WAC: variants seen among roughly 807,000 people sequenced by gnomAD.
WAC encodes the protein WW domain containing adaptor with coiled-coil.
WAC carries 11 observed loss-of-function variants against 79.6 expected under a neutral mutation model. The observed-to-expected ratio is 0.14, with a 90% CI of 0.09 to 0.23. The LOEUF (loss-of-function observed/expected upper bound fraction) is 0.23, where lower values mean the gene tolerates loss of function less well. WAC is among the 10% of genes least tolerant of loss of function. The pLI, the probability that WAC is intolerant of heterozygous loss-of-function variation, is 1.00. For synonymous variants in WAC, 304 were observed against 276.9 expected (o/e 1.10, Z -0.97); for missense variants, 728 against 773.5 (o/e 0.94, Z 0.70).
In WAC at chr10:28,537,168, A is replaced by G. The variant is rs553584724; in HGVS notation, c.274+1411A>G. ...TTGAATGTAGTTATAGCTTAGTGCT[A>G]TTTATGCAGATAAACCACATTTTTG... On this transcript the variant is annotated intron_variant, in intron 3 of 13. Coordinates refer to ENST00000354911, the MANE Select transcript of WAC (RefSeq NM_016628.5). 8.5e-5 allele frequency among the ~76,000 whole-genome samples: 13 copies of G among 152,386 alleles called. 1 individual carries two copies. The South Asian group carries it at 2.3e-3, about 27-fold the overall frequency.
In WAC at chr10:28,585,591, G is replaced by T. The variant is rs1353734739; in HGVS notation, c.381+2086G>T. 2.6e-5 allele frequency among the ~76,000 whole-genome samples: 4 copies of T among 151,480 alleles called. No individual in the cohort carries two copies. In the East Asian group the frequency reaches 7.7e-4, roughly 29 times the overall value. On this transcript the variant is annotated intron_variant, in intron 4 of 13. Transcript: ENST00000354911. ...GGGAAGGGAGGATGAGGCCAAGTGGGGAGAAGGGGGGGCAAATCATTTTCA... is the reference window on the plus strand; with the variant it reads ...GGGAAGGGAGGATGAGGCCAAGTGGTGAGAAGGGGGGGCAAATCATTTTCA...
Position 28,622,635 on chromosome 10 carries a change from C to G in WAC, c.*3029C>G, listed in dbSNP as rs1442458308. 2 of 152,068 alleles carry G rather than the reference C, an allele frequency of 1.3e-5. No homozygotes were observed. The highest frequency in any genetic ancestry group is 2.9e-5 in the Non-Finnish European group (2 of 68,016). The allele number at this position is 152,068 out of a possible 1,614,324, so 9.4% of individuals were successfully genotyped here. ...CTAAAAACATGCTTCAGCCCTGTTT[C>G]AAGACATTATGCTTCTTTTAACAGT... On this transcript the variant is annotated 3_prime_UTR_variant, in exon 14 of 14. Coordinates refer to ENST00000354911, the MANE Select transcript of WAC (RefSeq NM_016628.5).
chr10:28,603,426 G>T lies in WAC; in HGVS notation c.920-4760G>T, dbSNP rs531270148. On this transcript the variant is annotated intron_variant, in intron 7 of 13. Transcript: ENST00000354911. ...AGTAGGGCTGATATATTCTTCAAGC[G>T]CAGAAGAAAGCATTGAACTGACTTT... is the stretch of plus-strand genomic sequence containing the variant. 1.2e-4 allele frequency among the ~76,000 whole-genome samples: 19 copies of T among 152,260 alleles called. No individual in the cohort carries two copies. The South Asian group carries it at 2.9e-3, about 23-fold the overall frequency.
chr10:28,541,930 A>ACTAAC (rs1837075146), intron 3 of WAC, among the ~76,000 whole-genome samples: 1 of 152,146 alleles, frequency 6.6e-6, no homozygotes, highest in Non-Finnish European at 1.5e-5. Flanking sequence ...AGAGTGATCC[A>ACTAAC]GTTAAAATGC....
At chr10:28,597,861 A>C (rs1156683039) in intron 7 of WAC, among the ~76,000 whole-genome samples, 1 of 152,186 alleles carries the variant, frequency 6.6e-6, no homozygotes, top group Non-Finnish European at 1.5e-5. Flanking sequence ...GCACTCATTG[A>C]AATTCAGATT....
intron 3 of WAC, among the ~76,000 whole-genome samples, chr10:28,563,497 T>C (rs183081496): frequency 6.6e-6 from 1 of 152,314 alleles, no homozygotes; most frequent in East Asian, 1.9e-4. Context: ...CTTTAGTCTT[T>C]TTGGTTCTTC....
intron 8 of WAC, chr10:28,608,680 GGTA>G (rs2132811414): frequency 2.3e-6 from 1 of 441,082 alleles, no homozygotes; most frequent in East Asian, 4.3e-5. Flanking sequence ...TTATGTGTCT[GGTA>G]GTTACTGGAG....
intron 8 of WAC, 102 bp from the exon 9 acceptor site, chr10:28,610,597 A>G: frequency 1.6e-6 from 2 of 1,250,018 alleles, no homozygotes; most frequent in Non-Finnish European, 2.1e-6. Context: ...TTCTAGGTTG[A>G]AATATTCCAG....
intron 11 of WAC, chr10:28,615,956 C>CTT: frequency 4.7e-6 from 2 of 422,388 alleles, no homozygotes; most frequent in Non-Finnish European, 8.4e-6. Context: ...ACATTTGACT[C>CTT]TGACAGTAGT....
At chr10:28,593,777 A>T (rs1054168086) in intron 6 of WAC, among the ~76,000 whole-genome samples, 19 of 152,084 alleles carry the variant, frequency 1.2e-4, no homozygotes, top group Admixed American at 3.3e-4. Flanking sequence ...TATTCTCCAC[A>T]ACTTGATACT....
intron 2 of WAC, 133 bp downstream of exon 2, chr10:28,534,167 C>G (rs1345620310): frequency 1.1e-6 from 1 of 881,030 alleles, no homozygotes; most frequent in Non-Finnish European, 1.7e-6. Flanking sequence ...CACCGCGGAT[C>G]CCCTTAAAAT....
At chr10:28,572,505 T>G (rs1839028652) in intron 3 of WAC, among the ~76,000 whole-genome samples, 1 of 152,054 alleles carries the variant, frequency 6.6e-6, no homozygotes, top group South Asian at 2.1e-4. Context: ...ACAGAATGTA[T>G]AAAGGATCTA....
At chr10:28,584,574 T>C (rs764884865) in intron 4 of WAC, among the ~76,000 whole-genome samples, 4 of 152,142 alleles carry the variant, frequency 2.6e-5, no homozygotes, top group Non-Finnish European at 4.4e-5. Flanking sequence ...TGTGGAAATA[T>C]AGGAAAGAAT....
At position 28,608,568 on chromosome 10, in the gene WAC, T is replaced by C. The variant is rs973556828; in HGVS notation, c.1165+137T>C. ...GAACACTTTTTTTTGTTTTGTTTTT[T>C]GTTTTTGGAGTTTGGAAATTTATAT... On this transcript the variant is annotated intron_variant, in intron 8 of 13. Transcript: ENST00000354911. 1.4e-4 allele frequency: 149 copies of C among 1,041,364 alleles called. No individual in the cohort carries two copies. In the East Asian group the frequency reaches 3.6e-3, roughly 25 times the overall value. The allele number at this position is 1,041,364 out of a possible 1,614,324, so 64.5% of individuals were successfully genotyped here.
At chr10:28,611,112 C>A in intron 9 of WAC, 1 of 596,922 alleles carries the variant, frequency 1.7e-6, no homozygotes, top group Non-Finnish European at 2.6e-6. Context: ...TTTTTTTATG[C>A]CAAAGCTGAA....
chr10:28,533,860 C>T (rs756583106), intron 1 of WAC, 138 bp from the exon 2 acceptor site: 4 of 1,144,678 alleles, frequency 3.5e-6, no homozygotes, highest in Non-Finnish European at 5.0e-6. Flanking sequence ...GGGTTTGTGC[C>T]GTGTGCGTGC....
rs969095244 is a variant in WAC, at chr10:28,621,182, T to G, written c.*1576T>G. ...AAGGTGTTTCTTCTTCTTCTTCTTTTTTTTCTTTAAATTGGTTTAGGGTTT... is the reference window on the plus strand; with the variant it reads ...AAGGTGTTTCTTCTTCTTCTTCTTTGTTTTCTTTAAATTGGTTTAGGGTTT... On this transcript the variant is annotated 3_prime_UTR_variant, in exon 14 of 14. Transcript: ENST00000354911. 6.1e-4 allele frequency: 92 copies of G among 150,770 alleles called. No homozygotes were observed. The highest frequency in any genetic ancestry group is 2.2e-3 in the African/African-American group (91 of 41,160). The allele number at this position is 150,770 out of a possible 1,614,324, so 9.3% of individuals were successfully genotyped here.
At chr10:28,534,309 T>A (rs1184288945) in intron 2 of WAC, 8 of 390,508 alleles carry the variant, frequency 2.0e-5, no homozygotes, top group Admixed American at 1.3e-4. Context: ...ATTATTTGAT[T>A]ATTTGCGAGT....
intron 8 of WAC, 133 bp downstream of exon 8, chr10:28,608,564 T>A: frequency 9.4e-7 from 1 of 1,067,172 alleles, no homozygotes; most frequent in Non-Finnish European, 1.3e-6. Context: ...TTTGTTTTGT[T>A]TTTTGTTTTT....
Sources: gnomAD v4.1 joint callset for allele counts (sites outside exome capture counted in the v4.1 genomes callset) on GRCh38, gnomAD v4.1.1 for gene constraint, MANE v1.5 for transcripts, NCBI Gene and HGNC (gene_info 2026-07-23, HGNC 2026-07-21) for gene names.